DNAH7: variants seen among roughly 807,000 people sequenced by gnomAD.
DNAH7 encodes the protein axonemal beta dynein heavy chain 7.
In DNAH7, 397 loss-of-function variants were observed where a neutral mutation model predicts 444.6. The observed-to-expected ratio is 0.89, with a 90% CI of 0.82 to 0.97. The LOEUF (loss-of-function observed/expected upper bound fraction) is 0.97. Ranked by LOEUF, DNAH7 falls within the 50% of genes least tolerant of loss-of-function variation. DNAH7 has a pLI of 0.00. For missense variants in DNAH7, 4,902 were observed against 4,800.8 expected (o/e 1.02, Z -0.62); for synonymous variants, 1,636 against 1,624.4 (o/e 1.01, Z -0.17).
chr2:195,757,528 T>C (rs1026628), intron 61 of DNAH7, among the ~76,000 whole-genome samples: 79,949 of 152,026 alleles, frequency 0.53, 21,742 homozygotes, highest in Non-Finnish European at 0.61. Context: ...GTAAATTTGA[T>C]GTACTAAATA....
At chr2:195,773,251 T>TA (rs1167804968) in intron 60 of DNAH7, among the ~76,000 whole-genome samples, 1 of 152,128 alleles carries the variant, frequency 6.6e-6, no homozygotes, top group Non-Finnish European at 1.5e-5. Flanking sequence ...CAACAAAATA[T>TA]AAAAAACAAA....
At chr2:195,895,298 A>G (rs1348273674) in intron 29 of DNAH7, 74 bp from the exon 30 acceptor site, 1 of 995,050 alleles carries the variant, frequency 1.0e-6, no homozygotes, top group Admixed American at 3.1e-5. Context: ...ATTGATGGAA[A>G]TAGGGCCATT....
chr2:195,989,944 A>C (rs1320009358), intron 12 of DNAH7, among the ~76,000 whole-genome samples: 1 of 152,204 alleles, frequency 6.6e-6, no homozygotes, highest in African/African-American at 2.4e-5. Context: ...TTTTTTAAAT[A>C]AATTATCCAG....
In DNAH7 at chr2:195,840,524, T is replaced by C. The variant is rs558966686; in HGVS notation, c.8945+4478A>G. On this transcript the variant is annotated intron_variant, in intron 47 of 64. Coordinates refer to ENST00000312428, the MANE Select transcript of DNAH7 (RefSeq NM_018897.3). ...AGTGCAATAAGCTAAGAAAAAGAAA[T>C]AAAAGGCATACAGATTAGAAAGTAG... 2.0e-5 allele frequency among the ~76,000 whole-genome samples: 3 copies of C among 151,650 alleles called. No homozygotes were observed. The South Asian group carries it at 6.2e-4, about 32-fold the overall frequency.
chr2:195,886,183 T>A lies in DNAH7; in HGVS notation c.5496A>T (p.Lys1832Asn). The A allele has an allele frequency of 6.2e-7, 1 of 1,613,968 alleles. No individual in the cohort carries two copies. Among genetic ancestry groups the A allele is most frequent in the Non-Finnish European group, 8.5e-7 (1 of 1,179,930 alleles). Reference protein sequence around the residue: ...CFMDDFADEVKLKERNDRETY... With the variant: ...CFMDDFADEVNLKERNDRETY... ...TTTCTCGATCATTTCTCTCCTTTAG[T>A]TTGACTTCATCAGCAAAATCATCCA... The change falls in exon 34 of 65, where the codon AAA (lysine) becomes AAT (asparagine). Residue 1832 changes from lysine to asparagine, a missense_variant. Coordinates refer to ENST00000312428, the MANE Select transcript of DNAH7 (RefSeq NM_018897.3).
intron 47 of DNAH7, among the ~76,000 whole-genome samples, chr2:195,843,286 T>C (rs1698796817): frequency 6.6e-6 from 1 of 152,198 alleles, no homozygotes; most frequent in Non-Finnish European, 1.5e-5. Flanking sequence ...CTAAAATCTT[T>C]ATTTTAGCAG....
intron 61 of DNAH7, among the ~76,000 whole-genome samples, chr2:195,769,667 C>T (rs569984641): frequency 2.7e-3 from 404 of 152,116 alleles, no homozygotes; most frequent in Non-Finnish European, 4.2e-3. Context: ...GACTTCTGTT[C>T]GTAAGTCACT....
chr2:195,975,249 G>GC (rs1040075593), intron 15 of DNAH7, among the ~76,000 whole-genome samples: 1 of 149,532 alleles, frequency 6.7e-6, no homozygotes, highest in African/African-American at 2.5e-5. Context: ...CCCTCCCCTG[G>GC]CCCCCCGCAT....
chr2:195,875,306 C>T (rs1461998280), intron 38 of DNAH7, among the ~76,000 whole-genome samples: 1 of 152,014 alleles, frequency 6.6e-6, no homozygotes, highest in Non-Finnish European at 1.5e-5. Flanking sequence ...ATGAGATGCC[C>T]CAGGACGATG....
chr2:195,960,434 T>C lies in DNAH7; in HGVS notation c.2717A>G (p.Glu906Gly). 1.9e-6 allele frequency: 3 copies of C among 1,614,180 alleles called. No homozygotes were observed. The highest frequency in any genetic ancestry group is 2.5e-6 in the Non-Finnish European group (3 of 1,180,018). ...SKEYSLEKAM[E>G]KMITEWDAVE... ...TGCATCCCACTCAGTAATCATCTTC[T>C]CCATCGCCTTTTCAAGAGAATATTC... The change falls in exon 18 of 65, where the codon GAG becomes GGG. Residue 906 changes from glutamate (E) to glycine (G), a missense_variant. Glu to Gly is a moderately conservative substitution (Grantham distance 98). Transcript: ENST00000312428.
At position 196,019,126 on chromosome 2, in the gene DNAH7, T is replaced by G. The variant is rs113778719; in HGVS notation, c.869+44A>C. 2.4e-4 allele frequency: 332 copies of G among 1,380,986 alleles called. 2 individuals are homozygous for G. The African/African-American group carries it at 4.3e-3, about 18-fold the overall frequency. The allele number at this position is 1,380,986 out of a possible 1,614,324, so 85.5% of individuals were successfully genotyped here. On this transcript the variant is annotated intron_variant, in intron 9 of 64. Coordinates refer to ENST00000312428, the MANE Select transcript of DNAH7 (RefSeq NM_018897.3). The stretch of plus-strand genomic sequence containing the variant: ...ATAATTAAGATATAGTAAAACAACT[T>G]CCCTCTATATTTTAAAAACCTCTAT...
chr2:195,921,902 T>C (rs1688050421), intron 24 of DNAH7, among the ~76,000 whole-genome samples, 186 bp downstream of exon 24: 1 of 152,052 alleles, frequency 6.6e-6, no homozygotes, highest in Non-Finnish European at 1.5e-5. Context: ...GCCCTAGTAT[T>C]GAGAGGAGGA....
intron 63 of DNAH7, among the ~76,000 whole-genome samples, chr2:195,743,398 C>G (rs1017506713): frequency 6.6e-6 from 1 of 152,126 alleles, no homozygotes; most frequent in Non-Finnish European, 1.5e-5. Context: ...CTAGAGAACC[C>G]TAATACAGAT....
intron 41 of DNAH7, among the ~76,000 whole-genome samples, chr2:195,863,222 G>T (rs1559157726): frequency 6.6e-6 from 1 of 152,178 alleles, no homozygotes; most frequent in African/African-American, 2.4e-5. Flanking sequence ...TTCAATAAAT[G>T]TTTTGCATGA....
Position 195,891,765 on chromosome 2 carries a change from T to G in DNAH7, c.4936A>C (p.Asn1646His), listed in dbSNP as rs1244375060. ...EENKVQITVL[N>H]PKSVTMGQLY... Reference sequence around the variant, plus strand: ...TGGCCCATGGTGACAGACTTAGGATTTAAAACAGTTATTTGAACTTTGTTT... The same window carrying G: ...TGGCCCATGGTGACAGACTTAGGATGTAAAACAGTTATTTGAACTTTGTTT... The change falls in exon 31 of 65, where the codon AAT becomes CAT. Residue 1646 changes from asparagine (N) to histidine (H), a missense_variant. Transcript: ENST00000312428. The G allele has an allele frequency of 3.7e-6, 6 of 1,604,164 alleles. No homozygotes were observed. The highest frequency in any genetic ancestry group is 3.4e-5 in the Admixed American group (2 of 58,442).
intron 54 of DNAH7, among the ~76,000 whole-genome samples, chr2:195,804,905 C>T (rs374234045): frequency 6.6e-6 from 1 of 151,996 alleles, no homozygotes; most frequent in African/African-American, 2.4e-5. Context: ...GAAGATGATA[C>T]AAGACAGAGG....
chr2:195,806,085 T>G (rs1696694101), intron 54 of DNAH7, among the ~76,000 whole-genome samples: 1 of 143,166 alleles, frequency 7.0e-6, no homozygotes, highest in African/African-American at 2.6e-5. Context: ...TTTCTCAATT[T>G]TTTCCAACAT....
At chr2:195,772,423 CGAAA>C (rs539999193) in intron 60 of DNAH7, among the ~76,000 whole-genome samples, 9 of 152,090 alleles carry the variant, frequency 5.9e-5, no homozygotes, top group African/African-American at 2.2e-4. Flanking sequence ...GAGTTATGGA[CGAAA>C]GACAGACTTT....
chr2:195,829,009 C>T (rs1697931012), intron 48 of DNAH7, among the ~76,000 whole-genome samples: 1 of 152,100 alleles, frequency 6.6e-6, no homozygotes, highest in African/African-American at 2.4e-5. Context: ...ATCTTTACAA[C>T]TTTCAGTTTT....
Sources: gnomAD v4.1 joint callset for allele counts (sites outside exome capture counted in the v4.1 genomes callset) on GRCh38, gnomAD v4.1.1 for gene constraint, MANE v1.5 for transcripts, NCBI Gene and HGNC (gene_info 2026-07-23, HGNC 2026-07-21) for gene names.